Variants in RANBP2 observed in about 807,000 individuals in gnomAD.
RANBP2 encodes the protein E3 SUMO-protein ligase RanBP2.
In RANBP2, 57 loss-of-function variants were observed where a neutral mutation model predicts 303.6. That is an observed-to-expected ratio of 0.19 (90% CI 0.15 to 0.23). The LOEUF is 0.23. Ranked by LOEUF, RANBP2 falls within the 10% of genes least tolerant of loss-of-function variation. RANBP2 has a pLI of 1.00. For missense variants in RANBP2, 3,138 were observed against 3,780.8 expected, an observed-to-expected ratio of 0.83 and a Z score of 4.46; for synonymous variants, 1,167 against 1,301.5, an observed-to-expected ratio of 0.90 and a Z score of 2.23.
the RANBP2 span, among the ~76,000 whole-genome samples, chr2:109,517,827 G>A: frequency 6.6e-6 from 1 of 152,242 alleles, no homozygotes; most frequent in African/African-American, 2.4e-5. Context: ...GTTCCACAAG[G>A]ACAATGCCAT....
chr2:109,398,487 A>G, the RANBP2 span: 9 of 1,042,564 alleles, frequency 8.6e-6, no homozygotes, highest in African/African-American at 1.1e-4. Context: ...ATTTGAATGC[A>G]TTGCCAGTTT....
At chr2:109,430,022 C>T in the RANBP2 span, among the ~76,000 whole-genome samples, 1 of 152,214 alleles carries the variant, frequency 6.6e-6, no homozygotes, top group Non-Finnish European at 1.5e-5. Context: ...ACCTTGCCTA[C>T]CAGCCCAGGA....
chr2:109,657,912 G>A, the RANBP2 span, among the ~76,000 whole-genome samples: 1 of 151,526 alleles, frequency 6.6e-6, no homozygotes, highest in Non-Finnish European at 1.5e-5. Context: ...TGGAGAAGGG[G>A]TTTAACGCTA....
chr2:109,594,770 A>C, the RANBP2 span: 1 of 152,254 alleles, frequency 6.6e-6, no homozygotes, highest in South Asian at 2.1e-4. Context: ...CAGTGAATAA[A>C]TCTTACAGAG....
the RANBP2 span, among the ~76,000 whole-genome samples, chr2:109,367,201 T>G: frequency 6.6e-6 from 1 of 150,828 alleles, no homozygotes; most frequent in Admixed American, 6.7e-5. Context: ...TGGCCTCAAG[T>G]GATCTGCCTA....
At chr2:109,041,437 T>G in the RANBP2 span, among the ~76,000 whole-genome samples, 1 of 152,218 alleles carries the variant, frequency 6.6e-6, no homozygotes, top group Non-Finnish European at 1.5e-5. Flanking sequence ...ACTAGAGATC[T>G]TCTTGTAGTT....
chr2:109,105,043 T>C, the RANBP2 span, among the ~76,000 whole-genome samples: 1 of 152,046 alleles, frequency 6.6e-6, no homozygotes, highest in African/African-American at 2.4e-5. Flanking sequence ...GGAATGTTGG[T>C]GGGTGACCAT....
the RANBP2 span, among the ~76,000 whole-genome samples, chr2:109,227,870 G>A: frequency 3.9e-5 from 6 of 152,294 alleles, no homozygotes; most frequent in Middle Eastern, 3.4e-3. Flanking sequence ...GCCTTTCATC[G>A]GTTTGTCTGC....
the RANBP2 span, among the ~76,000 whole-genome samples, chr2:108,874,934 T>TA: frequency 2.0e-5 from 3 of 151,472 alleles, no homozygotes; most frequent in Non-Finnish European, 4.4e-5. Flanking sequence ...TTTTTTTTTT[T>TA]AAAGGTAGTC....
the RANBP2 span, among the ~76,000 whole-genome samples, chr2:109,486,601 C>A: frequency 6.6e-6 from 1 of 152,174 alleles, no homozygotes; most frequent in Non-Finnish European, 1.5e-5. Flanking sequence ...AGCAGCTCAG[C>A]GAGGCAGATG....
the RANBP2 span, among the ~76,000 whole-genome samples, chr2:109,266,665 CA>C: frequency 6.6e-6 from 1 of 151,874 alleles, no homozygotes; most frequent in East Asian, 1.9e-4. Flanking sequence ...AAGGGCAGCT[CA>C]GGAGCCAGTG....
chr2:108,786,138 A>AG (rs1678653814), downstream of RANBP2, among the ~76,000 whole-genome samples: 1 of 151,992 alleles, frequency 6.6e-6, no homozygotes, highest in African/African-American at 2.4e-5. Context: ...TCAAAAAAAA[A>AG]AAGTTTTTTT....
At chr2:109,107,238 T>C in the RANBP2 span, among the ~76,000 whole-genome samples, 4 of 148,794 alleles carry the variant, frequency 2.7e-5, no homozygotes, top group South Asian at 2.1e-4. Context: ...TTTTTTTTTT[T>C]CAGCTGCCAA....
At chr2:109,400,517 G>A in the RANBP2 span, among the ~76,000 whole-genome samples, 2 of 150,810 alleles carry the variant, frequency 1.3e-5, no homozygotes, top group Non-Finnish European at 3.0e-5. Context: ...ACCCCTCCAG[G>A]TGCACACCTG....
At chr2:109,209,243 A>G in the RANBP2 span, among the ~76,000 whole-genome samples, 1 of 152,154 alleles carries the variant, frequency 6.6e-6, no homozygotes, top group Admixed American at 6.5e-5. Context: ...GGCTGTAGGA[A>G]AACTGAGAGG....
chr2:109,303,062 G>A, the RANBP2 span, among the ~76,000 whole-genome samples: 43,726 of 151,988 alleles, frequency 0.29, 8,561 homozygotes, highest in African/African-American at 0.55. Flanking sequence ...TTTTGGTAGA[G>A]GCGGGGTTTC....
chr2:109,202,426 C>T, the RANBP2 span, among the ~76,000 whole-genome samples: 13,775 of 152,232 alleles, frequency 0.09, 759 homozygotes, highest in Middle Eastern at 0.18. Flanking sequence ...CTTTTTAGTA[C>T]AATTACTAAA....
At chr2:109,338,849 A>G in the RANBP2 span, among the ~76,000 whole-genome samples, 29 of 152,300 alleles carry the variant, frequency 1.9e-4, no homozygotes, top group East Asian at 2.9e-3. Flanking sequence ...CAAGTCTTGC[A>G]TGTAACTTTT....
chr2:108,944,275 G>A, the RANBP2 span, among the ~76,000 whole-genome samples: 5 of 152,136 alleles, frequency 3.3e-5, no homozygotes, highest in Non-Finnish European at 7.3e-5. Context: ...CAACATGCCT[G>A]GCAAATTTTT....
Sources: allele counts gnomAD v4.1 joint callset (sites outside exome capture counted in the v4.1 genomes callset), GRCh38; gene constraint gnomAD v4.1.1; transcripts MANE v1.5; gene names NCBI Gene and HGNC (gene_info 2026-07-23, HGNC 2026-07-21).